KHDRBS2: variants seen among roughly 807,000 people sequenced by gnomAD.
The protein encoded by KHDRBS2 is KH RNA binding domain containing, signal transduction associated 2, also known as KH domain-containing, RNA-binding, signal transduction-associated protein 2.
Under a neutral mutation model 44.3 loss-of-function variants are expected in KHDRBS2, and 26 were observed. The observed-to-expected ratio is 0.59, with a 90% CI of 0.43 to 0.81. The LOEUF (loss-of-function observed/expected upper bound fraction) is 0.81, where lower values mean the gene tolerates loss of function less well. KHDRBS2 is among the 40% of genes least tolerant of loss of function. The pLI, the probability that KHDRBS2 is intolerant of heterozygous loss-of-function variation, is 0.00. For synonymous variants in KHDRBS2, 194 were observed against 151.1 expected, an observed-to-expected ratio of 1.28 and a Z score of -2.08; for missense variants, 476 against 433.1, an observed-to-expected ratio of 1.10 and a Z score of -0.88.
chr6:62,282,087 C>G (rs550462333), intron 1 of KHDRBS2, among the ~76,000 whole-genome samples: 1 of 152,196 alleles, frequency 6.6e-6, no homozygotes. Context: ...AGACATGACA[C>G]TAATAACTTT....
the KHDRBS2 span, among the ~76,000 whole-genome samples, chr6:61,572,115 G>A: frequency 6.6e-6 from 1 of 151,928 alleles, no homozygotes; most frequent in Non-Finnish European, 1.5e-5. Flanking sequence ...AATAAGCTCA[G>A]TTAGAAATGA....
intron 1 of KHDRBS2, among the ~76,000 whole-genome samples, chr6:62,261,734 A>G (rs1336606694): frequency 6.6e-6 from 1 of 151,854 alleles, no homozygotes; most frequent in Admixed American, 6.6e-5. Flanking sequence ...GGCTGATCAT[A>G]TAAGACATTT....
At chr6:62,200,283 T>A (rs1333017985) in intron 1 of KHDRBS2, among the ~76,000 whole-genome samples, 1 of 152,054 alleles carries the variant, frequency 6.6e-6, no homozygotes, top group Non-Finnish European at 1.5e-5. Flanking sequence ...GAAACTACCA[T>A]CAGAGTGAAC....
At chr6:62,016,168 A>G (rs1372399374) in intron 3 of KHDRBS2, among the ~76,000 whole-genome samples, 2 of 152,088 alleles carry the variant, frequency 1.3e-5, no homozygotes, top group African/African-American at 2.4e-5. Flanking sequence ...CTATAAGCTT[A>G]TACTTGGGAA....
intron 4 of KHDRBS2, among the ~76,000 whole-genome samples, chr6:61,912,394 G>A (rs1806214977): frequency 6.6e-6 from 1 of 152,140 alleles, no homozygotes; most frequent in Admixed American, 6.6e-5. Context: ...TGCCTCAATA[G>A]GAAACATCTG....
chr6:61,613,017 TA>T, the KHDRBS2 span, among the ~76,000 whole-genome samples: 1 of 151,968 alleles, frequency 6.6e-6, no homozygotes, highest in Non-Finnish European at 1.5e-5. Context: ...AACTCCCGGC[TA>T]ATTTTTTGTA....
chr6:61,642,090 C>A, the KHDRBS2 span, among the ~76,000 whole-genome samples: 1 of 152,244 alleles, frequency 6.6e-6, no homozygotes, highest in African/African-American at 2.4e-5. Flanking sequence ...GATGACATAC[C>A]ATGAGGGACA....
the KHDRBS2 span, among the ~76,000 whole-genome samples, chr6:61,599,148 C>T: frequency 5.9e-5 from 9 of 151,942 alleles, no homozygotes; most frequent in Non-Finnish European, 1.3e-4. Context: ...GTTGCCCAGG[C>T]TGGTCTCGAA....
chr6:61,771,871 C>A (rs1379752403), intron 6 of KHDRBS2, among the ~76,000 whole-genome samples: 1 of 152,170 alleles, frequency 6.6e-6, no homozygotes, highest in Non-Finnish European at 1.5e-5. Flanking sequence ...CACCCCAAAT[C>A]AACAGAATAT....
chr6:62,272,514 C>T (rs1840253318), intron 1 of KHDRBS2, among the ~76,000 whole-genome samples: 1 of 152,172 alleles, frequency 6.6e-6, no homozygotes, highest in Non-Finnish European at 1.5e-5. Flanking sequence ...AAGGATCCAA[C>T]AGCATGCCCA....
chr6:62,191,576 CT>C (rs1824618860), intron 1 of KHDRBS2, among the ~76,000 whole-genome samples: 1 of 152,098 alleles, frequency 6.6e-6, no homozygotes, highest in African/African-American at 2.4e-5. Context: ...TTATTTTTCA[CT>C]CCCAGCACTC....
chr6:61,693,077 C>T (rs1309280109), intron 8 of KHDRBS2, among the ~76,000 whole-genome samples: 4 of 151,906 alleles, frequency 2.6e-5, no homozygotes, highest in African/African-American at 9.7e-5. Context: ...TTTGGAATAA[C>T]TATTATTGAT....
intron 4 of KHDRBS2, among the ~76,000 whole-genome samples, chr6:61,937,816 AG>A (rs1234001814): frequency 6.6e-6 from 1 of 152,106 alleles, no homozygotes; most frequent in Non-Finnish European, 1.5e-5. Context: ...AGGCTTATAT[AG>A]GGACAGCTTT....
At chr6:61,558,614 G>C in the KHDRBS2 span, among the ~76,000 whole-genome samples, 4 of 151,988 alleles carry the variant, frequency 2.6e-5, no homozygotes, top group Non-Finnish European at 4.4e-5. Flanking sequence ...AGTATGTTGT[G>C]TTTCTATTAT....
intron 3 of KHDRBS2, among the ~76,000 whole-genome samples, chr6:62,036,661 T>A (rs1192176735): frequency 6.6e-6 from 1 of 152,000 alleles, no homozygotes; most frequent in Non-Finnish European, 1.5e-5. Context: ...ATGTTTTGGT[T>A]CCTTGATGTT....
At chr6:62,234,854 G>T (rs968218715) in intron 1 of KHDRBS2, among the ~76,000 whole-genome samples, 9 of 151,838 alleles carry the variant, frequency 5.9e-5, no homozygotes, top group Non-Finnish European at 1.5e-5. Context: ...TTAAAACTGA[G>T]CTTCTAGGTC....
chr6:61,887,578 C>T (rs1801154722), intron 6 of KHDRBS2, among the ~76,000 whole-genome samples: 1 of 152,088 alleles, frequency 6.6e-6, no homozygotes, highest in Non-Finnish European at 1.5e-5. Context: ...CTTGTCAGGC[C>T]AGCTGCAAGG....
At chr6:61,658,088 G>T in the KHDRBS2 span, among the ~76,000 whole-genome samples, 4 of 151,790 alleles carry the variant, frequency 2.6e-5, no homozygotes, top group African/African-American at 9.7e-5. Context: ...AAATATCTAA[G>T]AATTCAAATT....
At chr6:61,797,315 T>C (rs1422658243) in intron 6 of KHDRBS2, among the ~76,000 whole-genome samples, 3 of 152,110 alleles carry the variant, frequency 2.0e-5, no homozygotes, top group African/African-American at 7.2e-5. Flanking sequence ...ATTTGAGATG[T>C]ATCTTATTTC....
Sources: allele counts gnomAD v4.1 joint callset (sites outside exome capture counted in the v4.1 genomes callset), GRCh38; gene constraint gnomAD v4.1.1; transcripts MANE v1.5; gene names NCBI Gene and HGNC (gene_info 2026-07-23, HGNC 2026-07-21).